The following FABP12 variants were observed in gnomAD, a reference collection of about 807,000 sequenced individuals.
The protein encoded by FABP12 is fatty acid binding protein 12, also known as fatty acid-binding protein 12.
Under a neutral mutation model 13.7 loss-of-function variants are expected in FABP12, and 19 were observed. That is an observed-to-expected ratio of 1.39 (90% CI 0.97 to 2.04). The LOEUF is 2.04. FABP12 is among the 30% of genes most tolerant of loss of function. The probability of loss-of-function intolerance (pLI) is 0.00; values close to 1 mark genes in which losing one functional copy is unlikely to be tolerated. For missense variants in FABP12, 182 were observed against 164.2 expected, an observed-to-expected ratio of 1.11 and a Z score of -0.59; for synonymous variants, 61 against 57.0, an observed-to-expected ratio of 1.07 and a Z score of -0.32.
chr8:81,544,764 T>G (rs1809407816), intron 1 of FABP12, among the ~76,000 whole-genome samples: 1 of 152,084 alleles, frequency 6.6e-6, no homozygotes, highest in Non-Finnish European at 1.5e-5. Flanking sequence ...CCAGACCTCA[T>G]GAGGTCTGGT....
chr8:81,571,673 T>C (rs2130075103), intron 1 of FABP12, among the ~76,000 whole-genome samples: 1 of 152,312 alleles, frequency 6.6e-6, no homozygotes, highest in South Asian at 2.1e-4. Context: ...CCAAACCAAC[T>C]TTTTCAGAAC....
rs550635289 is a variant in FABP12, at chr8:81,586,630, C to T, written c.-185+3423G>A. Among the ~76,000 whole-genome samples, 5 of 152,188 alleles carry T rather than the reference C, an allele frequency of 3.3e-5. No individual in the cohort carries two copies. In the South Asian group the frequency reaches 1.0e-3, roughly 32 times the overall value. On this transcript the variant is annotated intron_variant, in intron 1 of 5. Coordinates refer to the FABP12 transcript ENST00000692030. ...ATTTATTCCTGTCCTTGTTGCCCAC[C>T]TGTATGTCTTCTTTTGAGAAGTGTC...
At chr8:81,578,978 G>A (rs142142969) in intron 1 of FABP12, among the ~76,000 whole-genome samples, 2,623 of 151,340 alleles carry the variant, frequency 0.017, 56 homozygotes, top group African/African-American at 0.057. Flanking sequence ...ACAGGCGCCC[G>A]CCACCACACC....
chr8:81,576,120 C>A (rs965577603), intron 1 of FABP12, among the ~76,000 whole-genome samples: 1 of 152,230 alleles, frequency 6.6e-6, no homozygotes, highest in East Asian at 1.9e-4. Flanking sequence ...GCCAAAAATA[C>A]ACAGCTATAA....
At chr8:81,551,937 G>A (rs1286324229) in intron 1 of FABP12, among the ~76,000 whole-genome samples, 2 of 151,930 alleles carry the variant, frequency 1.3e-5, no homozygotes, top group African/African-American at 2.4e-5. Context: ...GGGTCTAGTC[G>A]GGGCCCCATA....
intron 1 of FABP12, among the ~76,000 whole-genome samples, chr8:81,579,361 C>T (rs749045788): frequency 3.3e-5 from 5 of 151,956 alleles, no homozygotes; most frequent in Non-Finnish European, 5.9e-5. Context: ...TTAGATAAAA[C>T]GACTGAAGAC....
chr8:81,559,964 G>A (rs1463933529), intron 1 of FABP12, among the ~76,000 whole-genome samples: 1 of 152,154 alleles, frequency 6.6e-6, no homozygotes, highest in Non-Finnish European at 1.5e-5. Context: ...ATCATTATAT[G>A]GGAAAATAAT....
chr8:81,580,664 C>T (rs1258922072), intron 1 of FABP12, among the ~76,000 whole-genome samples: 1 of 152,124 alleles, frequency 6.6e-6, no homozygotes, highest in African/African-American at 2.4e-5. Flanking sequence ...CAGATGTTGG[C>T]CACAATCTAG....
At chr8:81,574,416 T>A (rs1229753053) in intron 1 of FABP12, among the ~76,000 whole-genome samples, 1 of 152,020 alleles carries the variant, frequency 6.6e-6, no homozygotes, top group East Asian at 1.9e-4. Context: ...GTAGTTTTCT[T>A]TTTTTGTTTG....
At chr8:81,539,689 G>A (rs1336617345) in exon 2 of FABP12, among the ~76,000 whole-genome samples, 2 of 152,140 alleles carry the variant, frequency 1.3e-5, no homozygotes, top group South Asian at 2.1e-4. Context: ...TGCTGGTGCT[G>A]TCTGCTTCTG....
chr8:81,539,433 C>CT (rs35386904), intron 2 of FABP12, among the ~76,000 whole-genome samples: 887 of 50,054 alleles, frequency 0.018, 128 homozygotes, highest in African/African-American at 0.06. Context: ...TTCTTTAGTT[C>CT]TTTTTTTTTT....
chr8:81,534,240 C>T (rs1285814903), upstream of FABP12, among the ~76,000 whole-genome samples: 1 of 152,144 alleles, frequency 6.6e-6, no homozygotes, highest in Non-Finnish European at 1.5e-5. Context: ...TATCACAGCC[C>T]TTCCTTCCTG....
At position 81,578,823 on chromosome 8, in the gene FABP12, G is replaced by GTTTTTTTTTTTTTTTTTTTTTTTT. The variant is rs763089399; in HGVS notation, c.-185+11229_-185+11230insAAAAAAAAAAAAAAAAAAAAAAAA. Among the ~76,000 whole-genome samples the GTTTTTTTTTTTTTTTTTTTTTTTT allele has an allele frequency of 2.8e-5, 3 of 105,668 alleles. 1 individual carries two copies. The highest frequency in any genetic ancestry group is 1.2e-4 in the African/African-American group (3 of 24,576). The allele number at this position is 105,668 out of a possible 152,430, so 69.3% of individuals were successfully genotyped here. ...TACAGAATCTGACACATTTGTTCAA[G>GTTTTTTTTTTTTTTTTTTTTTTTT]TTTTTTTTTTTTTTTTTTTGAGAAG... On this transcript the variant is annotated intron_variant, in intron 1 of 5. Transcript: ENST00000692030.
intron 1 of FABP12, among the ~76,000 whole-genome samples, chr8:81,561,560 T>C (rs1229043547): frequency 6.6e-6 from 1 of 152,208 alleles, no homozygotes; most frequent in Non-Finnish European, 1.5e-5. Flanking sequence ...TTCATATCAC[T>C]GAGAGAGGCA....
At chr8:81,555,170 C>A (rs1809590806) in intron 1 of FABP12, among the ~76,000 whole-genome samples, 6 of 152,206 alleles carry the variant, frequency 3.9e-5, no homozygotes, top group Admixed American at 3.3e-4. Context: ...AAGAAACAAT[C>A]ACATGATCTT....
chr8:81,552,985 C>T (rs913466051), intron 1 of FABP12, among the ~76,000 whole-genome samples: 2 of 152,080 alleles, frequency 1.3e-5, no homozygotes, highest in African/African-American at 4.8e-5. Context: ...GGAGTGAGAA[C>T]TCAGGAGAAA....
At chr8:81,531,676 A>T (rs1266339512) in intron 1 of FABP12, among the ~76,000 whole-genome samples, 1 of 152,172 alleles carries the variant, frequency 6.6e-6, no homozygotes, top group Non-Finnish European at 1.5e-5. Flanking sequence ...AGCTGTGTTT[A>T]TGCCGTGGAA....
chr8:81,569,225 T>C (rs1429752252), intron 1 of FABP12, among the ~76,000 whole-genome samples: 1 of 152,188 alleles, frequency 6.6e-6, no homozygotes, highest in African/African-American at 2.4e-5. Flanking sequence ...ACCTCATAAA[T>C]ATATATATCT....
At chr8:81,531,469 A>G (rs1809073508) in intron 1 of FABP12, 79 bp from the exon 2 acceptor site, 2 of 576,006 alleles carry the variant, frequency 3.5e-6, no homozygotes, top group Non-Finnish European at 3.0e-6. Flanking sequence ...AATCCTTGCA[A>G]TGTTCCTTGA....
Sources: gnomAD v4.1 joint callset for allele counts (sites outside exome capture counted in the v4.1 genomes callset) on GRCh38, gnomAD v4.1.1 for gene constraint, MANE v1.5 for transcripts, NCBI Gene and HGNC (gene_info 2026-07-23, HGNC 2026-07-21) for gene names.